SFRP2: variants seen among roughly 807,000 people sequenced by gnomAD.
The protein encoded by SFRP2 is secreted frizzled-related protein 2.
SFRP2 carries 16 observed loss-of-function variants against 26.0 expected under a neutral mutation model. The observed-to-expected ratio is 0.61, with a 90% CI of 0.42 to 0.93. SFRP2 has a LOEUF of 0.93. Among genes scored for constraint, SFRP2 ranks in the 40% least tolerant of loss-of-function variants. SFRP2 has a pLI of 0.00. For missense variants in SFRP2, 343 were observed against 392.4 expected, an observed-to-expected ratio of 0.87 and a Z score of 1.06; for synonymous variants, 173 against 167.3, an observed-to-expected ratio of 1.03 and a Z score of -0.26.
rs1560812948 is a variant in SFRP2 at position 153,789,071 on chromosome 4, C to A, written c.-236G>T. ...CTCCGACCCGGGGGAGCAGAATGAG[C>A]CGTTGCTGGGGCACAGCCAGAGTTT... On this transcript the variant is annotated 5_prime_UTR_variant, in exon 1 of 3. Transcript: ENST00000274063. 2.0e-6 allele frequency: 1 copy of A among 495,388 alleles called. No individual in the cohort carries two copies. The highest frequency in any genetic ancestry group is 3.5e-6 in the Non-Finnish European group (1 of 286,770). 30.7% of individuals were successfully genotyped at this position (495,388 alleles called of 1,614,324 possible).
intron 2 of SFRP2, among the ~76,000 whole-genome samples, chr4:153,783,340 C>T (rs976500117): frequency 3.3e-5 from 5 of 152,154 alleles, no homozygotes; most frequent in Non-Finnish European, 5.9e-5. Flanking sequence ...CCAAATGAAA[C>T]ATTCTCAAGC....
rs1209329846 is a variant in SFRP2 at position 153,781,610 on chromosome 4, C to A, written c.729G>T (p.Leu243Phe). ...CGTTCATCTCCTCACAGGTGCACTG[C>A]AAGCTGTCTTTGAGCCACAGCACCG... ...KKSVLWLKDS[L>F]QCTCEEMNDI... The change falls in exon 3 of 3, where the codon TTG becomes TTT. Residue 243 changes from leucine (L) to phenylalanine (F), a missense_variant. Physicochemically the swap from Leu to Phe is conservative, Grantham distance 22 (BLOSUM62 0). Around this residue, in one of 2 missense-constraint regions of SFRP2, gnomAD observed 92 missense variants for 139.0 expected, o/e 0.66. Transcript: ENST00000274063. 6.2e-7 allele frequency: 1 copy of A among 1,614,180 alleles called. No homozygotes were observed. The highest frequency in any genetic ancestry group is 1.7e-5 in the Admixed American group (1 of 60,030).
chr4:153,787,663 T>C (rs1292176344), intron 1 of SFRP2, among the ~76,000 whole-genome samples: 6 of 152,236 alleles, frequency 3.9e-5, no homozygotes, highest in Non-Finnish European at 7.3e-5. Flanking sequence ...CTGATAGCAA[T>C]AGAAAAGTGA....
Position 153,788,637 on chromosome 4 carries a change from C to G in SFRP2, c.199G>C (p.Glu67Gln). The G allele has an allele frequency of 6.2e-7, 1 of 1,614,200 alleles. No homozygotes were observed. Among genetic ancestry groups the G allele is most frequent in the Non-Finnish European group, 8.5e-7 (1 of 1,180,032 alleles). Residue 67 changes from glutamate to glutamine, a missense_variant, in exon 1 of 3, where the codon GAG (glutamate) becomes CAG (glutamine). Coordinates refer to ENST00000274063, the MANE Select transcript of SFRP2 (RefSeq NM_003013.3). ...TGCTCCAGCACCTCCTTCATGGTCT[C>G]GTGGCCCAGCAGGTTGGGCAGCCGC... is the stretch of plus-strand genomic sequence containing the variant. Reference protein sequence around the residue: ...NMRLPNLLGHETMKEVLEQAG... With the variant: ...NMRLPNLLGHQTMKEVLEQAG...
intron 2 of SFRP2, among the ~76,000 whole-genome samples, 157 bp from the exon 3 acceptor site, chr4:153,781,912 G>A (rs1482970943): frequency 6.6e-6 from 1 of 152,164 alleles, no homozygotes; most frequent in East Asian, 1.9e-4. Flanking sequence ...GGGGTTGGGA[G>A]CTAGGGGCAG....
At position 153,788,596 on chromosome 4, in the gene SFRP2, G is replaced by C. The variant is rs768299995; in HGVS notation, c.240C>G (p.Ile80Met). 2 of 1,614,210 alleles carry C rather than the reference G, an allele frequency of 1.2e-6. No homozygotes were observed. The highest frequency in any genetic ancestry group is 1.7e-6 in the Non-Finnish European group (2 of 1,180,024). ...GGTGGCACTGCTTCATGACCAGCGG[G>C]ATCCAAGCGCCGGCCTGCTCCAGCA... The part of the protein sequence containing the change: ...KEVLEQAGAW[I>M]PLVMKQCHPD... The change falls in exon 1 of 3, where the codon ATC (isoleucine) becomes ATG (methionine). Residue 80 changes from isoleucine (I) to methionine (M), a missense_variant. This residue lies in a region of SFRP2 where 251 missense variants were observed against 253.3 expected (regional missense o/e 0.99). Transcript: ENST00000274063.
At position 153,788,661 on chromosome 4, in the gene SFRP2, G is replaced by C. The variant is rs768693726; in HGVS notation, c.175C>G (p.Arg59Gly). The C allele has an allele frequency of 1.2e-6, 2 of 1,614,168 alleles. No homozygotes were observed. The highest frequency in any genetic ancestry group is 3.3e-5 in the Admixed American group (2 of 60,030). The change falls in exon 1 of 3, where the codon CGG (arginine) becomes GGG (glycine). Residue 59 changes from arginine to glycine, a missense_variant. By Grantham distance (125) the Arg-to-Gly change is moderately radical (BLOSUM62 -2). Transcript: ENST00000274063. ...TCGTGGCCCAGCAGGTTGGGCAGCC[G>C]CATGTTCTGGTATTCGATGCCGTGG... is the stretch of plus-strand genomic sequence containing the variant. ...LCHGIEYQNM[R>G]LPNLLGHETM...
Position 153,781,323 on chromosome 4 carries a change from G to A in SFRP2, c.*128C>T. On this transcript the variant is annotated 3_prime_UTR_variant, in exon 3 of 3. Coordinates refer to ENST00000274063, the MANE Select transcript of SFRP2 (RefSeq NM_003013.3). ...GGGGATGCAAACGTGCAAAAGGCAG[G>A]GGGAAGCTGCCCAGGCTGAGACTGG... 2 of 809,106 alleles carry A rather than the reference G, an allele frequency of 2.5e-6. No homozygotes were observed. Among genetic ancestry groups the A allele is most frequent in the South Asian group, 1.7e-5 (1 of 58,014 alleles). 50.1% of individuals were successfully genotyped at this position (809,106 alleles called of 1,614,324 possible). A position where few individuals can be genotyped will look rare whatever the true frequency, so the allele number is the denominator to read the frequency against.
At chr4:153,782,365 G>A (rs901100817) in intron 2 of SFRP2, among the ~76,000 whole-genome samples, 2 of 152,182 alleles carry the variant, frequency 1.3e-5, no homozygotes, top group African/African-American at 4.8e-5. Context: ...AGTCATAAAA[G>A]TGTTTTTCTG....
At position 153,788,372 on chromosome 4, in the gene SFRP2, A is replaced by T. The variant is rs1274810088; in HGVS notation, c.464T>A (p.Leu155His). ...TGGCAGGAGGTGGTCGCTGCTAGCG[A>T]GGGGGATGCAAAGGTCGTTGTCCTG... Reference protein sequence around the residue: ...FPQDNDLCIPLASSDHLLPAT... With the variant: ...FPQDNDLCIPHASSDHLLPAT... The change falls in exon 1 of 3, where the codon CTC becomes CAC. Residue 155 changes from leucine (L) to histidine (H), a missense_variant. Physicochemically the swap from Leu to His is moderately conservative, Grantham distance 99. Coordinates refer to ENST00000274063, the MANE Select transcript of SFRP2 (RefSeq NM_003013.3). 1 of 1,613,020 alleles carries T rather than the reference A, an allele frequency of 6.2e-7. No individual in the cohort carries two copies. Among genetic ancestry groups the T allele is most frequent in the East Asian group, 2.2e-5 (1 of 44,836 alleles).
At chr4:153,785,776 G>T in intron 2 of SFRP2, 88 bp downstream of exon 2, 1 of 825,418 alleles carries the variant, frequency 1.2e-6, no homozygotes, top group Non-Finnish European at 1.9e-6. Context: ...CCTTTATCTA[G>T]CAACATCATA....
At chr4:153,784,753 T>C (rs1296442395) in intron 2 of SFRP2, among the ~76,000 whole-genome samples, 2 of 152,214 alleles carry the variant, frequency 1.3e-5, no homozygotes, top group Admixed American at 6.5e-5. Context: ...CCATTATTGA[T>C]TGACAGAGCA....
rs1741119409 is a variant in SFRP2, at chr4:153,781,428, T to C, written c.*23A>G. 4 of 1,599,362 alleles carry C rather than the reference T, an allele frequency of 2.5e-6. No homozygotes were observed. The highest frequency in any genetic ancestry group is 1.3e-5 in the African/African-American group (1 of 74,792). Reference sequence around the variant, plus strand: ...TCAGCCGTGCTCTGGAGCAGGCCTGTCGGAGCCATCAGGATGCCGGGACTA... The same window carrying C: ...TCAGCCGTGCTCTGGAGCAGGCCTGCCGGAGCCATCAGGATGCCGGGACTA... On this transcript the variant is annotated 3_prime_UTR_variant, in exon 3 of 3. Transcript: ENST00000274063.
chr4:153,788,965 G>A lies in SFRP2; in HGVS notation c.-130C>T. The A allele has an allele frequency of 8.7e-7, 1 of 1,155,298 alleles. No homozygotes were observed. The highest frequency in any genetic ancestry group is 1.8e-5 in the South Asian group (1 of 57,002). The allele number at this position is 1,155,298 out of a possible 1,614,324, so 71.6% of individuals were successfully genotyped here. On this transcript the variant is annotated 5_prime_UTR_variant, in exon 1 of 3. Coordinates refer to ENST00000274063, the MANE Select transcript of SFRP2 (RefSeq NM_003013.3). ...TCGGGGCCCCGAAAAGCTGGCAGCC[G>A]GCGGCTGGGGCGCGGAGAAGCGGGA... is the stretch of plus-strand genomic sequence containing the variant.
At chr4:153,786,959 A>G (rs1741220604) in intron 1 of SFRP2, among the ~76,000 whole-genome samples, 1 of 152,204 alleles carries the variant, frequency 6.6e-6, no homozygotes, top group African/African-American at 2.4e-5. Flanking sequence ...CACTAATGTG[A>G]AATTTAATGT....
In SFRP2 at chr4:153,785,971, T is replaced by G. The variant is rs374257060; in HGVS notation, c.503-27A>C. 3 of 1,494,666 alleles carry G rather than the reference T, an allele frequency of 2.0e-6. No homozygotes were observed. The African/African-American group carries it at 4.2e-5, about 21-fold the overall frequency. The allele number at this position is 1,494,666 out of a possible 1,614,324, so 92.6% of individuals were successfully genotyped here. On this transcript the variant is annotated intron_variant, in intron 1 of 2. Transcript: ENST00000274063. Reference sequence around the variant, plus strand: ...TAGAAATGTGAAAAACAGTCTTTAGTAAGTTTGCTTAAAAGAGAACAGTAG... The same window carrying G: ...TAGAAATGTGAAAAACAGTCTTTAGGAAGTTTGCTTAAAAGAGAACAGTAG...
intron 2 of SFRP2, 25 bp from the exon 3 acceptor site, chr4:153,781,780 A>G: frequency 1.3e-6 from 2 of 1,596,696 alleles, no homozygotes; most frequent in Non-Finnish European, 1.7e-6. Flanking sequence ...AGAAAGAGTC[A>G]TGCCAGTTAT....
chr4:153,788,566 G>A lies in SFRP2; in HGVS notation c.270C>T (p.Asp90=). 6.2e-7 allele frequency: 1 copy of A among 1,614,206 alleles called. No individual in the cohort carries two copies. Among genetic ancestry groups the A allele is most frequent in the Non-Finnish European group, 8.5e-7 (1 of 1,180,026 alleles). Residue 90 remains aspartate, a synonymous_variant, in exon 1 of 3, where the codon GAC becomes GAT. Coordinates refer to ENST00000274063, the MANE Select transcript of SFRP2 (RefSeq NM_003013.3). ...AGAGCGAGCACAGGAACTTCTTGGT[G>A]TCCGGGTGGCACTGCTTCATGACCA... ...IPLVMKQCHP[D]TKKFLCSLFA... is the part of the protein sequence containing the mutation.
intron 2 of SFRP2, among the ~76,000 whole-genome samples, chr4:153,785,554 C>CCAAAAA (rs1553961249): frequency 2.2e-5 from 1 of 46,470 alleles, no homozygotes; most frequent in Admixed American, 3.6e-4. Flanking sequence ...TGCCTGTCGG[C>CCAAAAA]AAAAAAAAAA....
Sources: allele counts gnomAD v4.1 joint callset (sites outside exome capture counted in the v4.1 genomes callset), GRCh38; gene constraint gnomAD v4.1.1; regional missense constraint gnomAD v4.1.1; transcripts MANE v1.5; gene names NCBI Gene and HGNC (gene_info 2026-07-23, HGNC 2026-07-21).